The following SMCHD1 variants were observed in gnomAD, a reference collection of about 807,000 sequenced individuals.
The protein encoded by SMCHD1 is structural maintenance of chromosomes flexible hinge domain-containing protein 1.
Under a neutral mutation model 254.7 loss-of-function variants are expected in SMCHD1, and 78 were observed. The observed-to-expected ratio is 0.31, with a 90% CI of 0.26 to 0.37. The LOEUF (loss-of-function observed/expected upper bound fraction) is 0.37, where lower values mean the gene tolerates loss of function less well. Ranked by LOEUF, SMCHD1 falls within the 10% of genes least tolerant of loss-of-function variation. The pLI, the probability that SMCHD1 is intolerant of heterozygous loss-of-function variation, is 1.00. For synonymous variants in SMCHD1, 766 were observed against 794.9 expected, an observed-to-expected ratio of 0.96 and a Z score of 0.61; for missense variants, 1,840 against 2,408.1, an observed-to-expected ratio of 0.76 and a Z score of 4.94.
intron 3 of SMCHD1, among the ~76,000 whole-genome samples, chr18:2,669,535 A>T (rs1156686492): frequency 2.0e-5 from 3 of 151,876 alleles, no homozygotes; most frequent in African/African-American, 7.3e-5. Context: ...CACCTTATTA[A>T]TATTGAAGTG....
intron 5 of SMCHD1, 81 bp downstream of exon 5, chr18:2,674,226 A>T (rs896690264): frequency 1.7e-6 from 2 of 1,164,330 alleles, no homozygotes; most frequent in Non-Finnish European, 2.4e-6. Context: ...CTTTGGATGC[A>T]TATGATACAT....
intron 44 of SMCHD1, among the ~76,000 whole-genome samples, chr18:2,783,388 G>C (rs2143810160): frequency 6.6e-6 from 1 of 152,246 alleles, no homozygotes; most frequent in South Asian, 2.1e-4. Flanking sequence ...CCAAAGTTGT[G>C]TGTGTGTGTG....
At chr18:2,721,586 G>A (rs567232234) in intron 19 of SMCHD1, among the ~76,000 whole-genome samples, 3 of 152,252 alleles carry the variant, frequency 2.0e-5, no homozygotes, top group East Asian at 3.9e-4. Flanking sequence ...CTTTCTGTAC[G>A]TATGTTAGAA....
intron 5 of SMCHD1, among the ~76,000 whole-genome samples, chr18:2,685,599 C>G (rs1317436891): frequency 1.3e-5 from 2 of 152,122 alleles, no homozygotes; most frequent in African/African-American, 4.8e-5. Context: ...ACCCATTAGA[C>G]AGTAACTCCC....
intron 42 of SMCHD1, among the ~76,000 whole-genome samples, chr18:2,777,098 A>G (rs1004143999): frequency 6.8e-5 from 10 of 146,420 alleles, no homozygotes; most frequent in African/African-American, 2.5e-4. Flanking sequence ...TGTGAGAAGA[A>G]TTTTTTTCTC....
intron 1 of SMCHD1, among the ~76,000 whole-genome samples, chr18:2,659,563 A>T (rs2073180942): frequency 6.6e-6 from 1 of 152,234 alleles, no homozygotes; most frequent in Non-Finnish European, 1.5e-5. Context: ...CAACGATTAG[A>T]AGATGACTCA....
intron 45 of SMCHD1, among the ~76,000 whole-genome samples, chr18:2,790,685 C>T (rs1041729245): frequency 4.6e-5 from 7 of 152,162 alleles, no homozygotes; most frequent in African/African-American, 1.7e-4. Flanking sequence ...TGCTTGAACC[C>T]AGGAGGCAGA....
At chr18:2,724,507 T>A (rs1245109410) in intron 20 of SMCHD1, among the ~76,000 whole-genome samples, 1 of 152,144 alleles carries the variant, frequency 6.6e-6, no homozygotes, top group Non-Finnish European at 1.5e-5. Flanking sequence ...GGTGAAAGAT[T>A]TGAAAGAATT....
chr18:2,710,092 A>G (rs1371380934), intron 17 of SMCHD1, among the ~76,000 whole-genome samples: 1 of 152,128 alleles, frequency 6.6e-6, no homozygotes, highest in Non-Finnish European at 1.5e-5. Flanking sequence ...ACTTCTTTTT[A>G]TATGGAAAAC....
intron 44 of SMCHD1, among the ~76,000 whole-genome samples, chr18:2,783,142 A>G (rs1025412447): frequency 2.6e-5 from 4 of 152,134 alleles, no homozygotes; most frequent in South Asian, 2.1e-4. Context: ...CATTGTATGG[A>G]TGTGCCGTAA....
chr18:2,710,321 G>A (rs2074637977), intron 17 of SMCHD1, among the ~76,000 whole-genome samples: 1 of 152,212 alleles, frequency 6.6e-6, no homozygotes, highest in South Asian at 2.1e-4. Flanking sequence ...ATGAGGAGGT[G>A]TGAGTCCTCC....
chr18:2,705,819 A>G lies in SMCHD1; in HGVS notation c.1956+12A>G. The G allele has an allele frequency of 1.4e-6, 2 of 1,470,088 alleles. No homozygotes were observed. The highest frequency in any genetic ancestry group is 1.9e-6 in the Non-Finnish European group (2 of 1,055,878). The allele number at this position is 1,470,088 out of a possible 1,614,324, so 91.1% of individuals were successfully genotyped here. A position where few individuals can be genotyped will look rare whatever the true frequency, so the allele number is the denominator to read the frequency against. On this transcript the variant is annotated intron_variant, in intron 14 of 47. Transcript: ENST00000320876. Reference sequence around the variant, plus strand: ...TTCAAATTGCAATGGTAAGACAGCAAGTGATAAAACATACTGAAAGTTTCT... The same window carrying G: ...TTCAAATTGCAATGGTAAGACAGCAGGTGATAAAACATACTGAAAGTTTCT...
At position 2,729,709 on chromosome 18, in the gene SMCHD1, C is replaced by CTTTT. The variant is rs72203094; in HGVS notation, c.3048+311_3048+314dup. Among the ~76,000 whole-genome samples, 231 of 140,502 alleles carry CTTTT rather than the reference C, an allele frequency of 1.6e-3. 3 individuals carry two copies. Among genetic ancestry groups the CTTTT allele is most frequent in the South Asian group, 6.0e-3 (27 of 4,534 alleles). The allele number at this position is 140,502 out of a possible 152,430, so 92.2% of individuals were successfully genotyped here. A position where few individuals can be genotyped will look rare whatever the true frequency, so the allele number is the denominator to read the frequency against. ...TAAAATACATAATTTTATTCTTTCG[C>CTTTT]TTTTTTTTTTTTTTAAAGAGATAGG... On this transcript the variant is annotated intron_variant, in intron 24 of 47. Transcript: ENST00000320876.
intron 1 of SMCHD1, among the ~76,000 whole-genome samples, chr18:2,662,173 A>T (rs1399212686): frequency 2.2e-5 from 2 of 90,118 alleles, no homozygotes; most frequent in Non-Finnish European, 3.9e-5. Context: ...CTCAAAAAAA[A>T]AAAAATAAAA....
intron 37 of SMCHD1, 81 bp from the exon 38 acceptor site, chr18:2,769,613 A>G (rs2143733634): frequency 2.1e-6 from 3 of 1,437,356 alleles, no homozygotes; most frequent in South Asian, 2.5e-5. Flanking sequence ...TGAAAACAGC[A>G]TAATGAGTTA....
At position 2,775,035 on chromosome 18, in the gene SMCHD1, G is replaced by A. The variant is rs1256506443; in HGVS notation, c.5176-699G>A. ...TTATTTATTTATTCTAAGCTCCAAA[G>A]CATTGTTCCTAGAAACAGAAGCAAA... On this transcript the variant is annotated intron_variant, in intron 41 of 47. Transcript: ENST00000320876. 5.5e-5 allele frequency among the ~76,000 whole-genome samples: 8 copies of A among 145,268 alleles called. No individual in the cohort carries two copies. The East Asian group carries it at 8.1e-4, about 15-fold the overall frequency.
At chr18:2,714,405 G>A (rs1443161035) in intron 17 of SMCHD1, among the ~76,000 whole-genome samples, 5 of 151,834 alleles carry the variant, frequency 3.3e-5, no homozygotes. Context: ...CATTTAGTTG[G>A]TTCATTTAAA....
At chr18:2,742,246 T>G (rs1454253509) in intron 28 of SMCHD1, among the ~76,000 whole-genome samples, 1 of 152,184 alleles carries the variant, frequency 6.6e-6, no homozygotes, top group Non-Finnish European at 1.5e-5. Context: ...CAAGTGGACT[T>G]TTTTTCTACT....
intron 46 of SMCHD1, 140 bp from the exon 47 acceptor site, chr18:2,796,267 T>A (rs1038097509): frequency 3.5e-6 from 3 of 858,994 alleles, no homozygotes; most frequent in Non-Finnish European, 3.5e-6. Flanking sequence ...TATAAACTAT[T>A]CTTTCACCAG....
Sources: gnomAD v4.1 joint callset for allele counts (sites outside exome capture counted in the v4.1 genomes callset) on GRCh38, gnomAD v4.1.1 for gene constraint, MANE v1.5 for transcripts, NCBI Gene and HGNC (gene_info 2026-07-23, HGNC 2026-07-21) for gene names.